The following OTUD4 variants were observed in gnomAD, a reference collection of about 807,000 sequenced individuals.
OTUD4 encodes OTU deubiquitinase 4.
OTUD4 carries 24 observed loss-of-function variants against 130.4 expected under a neutral mutation model. The ratio of observed to expected loss-of-function variants is 0.18; its 90% CI spans 0.13 to 0.26. OTUD4 has a LOEUF of 0.26. Among genes scored for constraint, OTUD4 ranks in the 10% least tolerant of loss-of-function variants. OTUD4 has a pLI of 1.00. For missense variants in OTUD4, 1,031 were observed against 1,329.4 expected, an observed-to-expected ratio of 0.78 and a Z score of 3.49; for synonymous variants, 420 against 472.5, an observed-to-expected ratio of 0.89 and a Z score of 1.44.
chr4:145,150,957 T>G, intron 11 of OTUD4, 52 bp from the exon 12 acceptor site: 1 of 1,058,966 alleles, frequency 9.4e-7, no homozygotes, highest in East Asian at 2.4e-5. Flanking sequence ...GTAAGAATAG[T>G]TAAATATTCT....
At chr4:145,175,022 T>C (rs1045105218) in intron 1 of OTUD4, among the ~76,000 whole-genome samples, 1 of 152,218 alleles carries the variant, frequency 6.6e-6, no homozygotes, top group Non-Finnish European at 1.5e-5. Flanking sequence ...TTTAGGACAC[T>C]CTCTTCCCTT....
In OTUD4 at chr4:145,159,592, A is replaced by T. The variant is rs752347412; in HGVS notation, c.540T>A (p.Asp180Glu). The T allele has an allele frequency of 3.1e-6, 5 of 1,613,324 alleles. No homozygotes were observed. The South Asian group carries it at 5.5e-5, about 18-fold the overall frequency. ...ELLYEKVFKTDVSKIVMELDT... is the reference protein window; with the variant it reads ...ELLYEKVFKTEVSKIVMELDT... ...CTAGTTCCATCACAATTTTACTAAC[A>T]TCAGTTTTAAATACCTTCTCATACA... Residue 180 changes from aspartate (D) to glutamate (E), a missense_variant, in exon 7 of 21, where the codon GAT (aspartate) becomes GAA (glutamate). Physicochemically the swap from Asp to Glu is conservative, Grantham distance 45 (BLOSUM62 2). Transcript: ENST00000447906.
At position 145,174,647 on chromosome 4, in the gene OTUD4, A is replaced by G; in HGVS notation, c.243+14T>C. The G allele has an allele frequency of 6.8e-7, 1 of 1,478,926 alleles. No individual in the cohort carries two copies. Among genetic ancestry groups the G allele is most frequent in the Non-Finnish European group, 9.5e-7 (1 of 1,056,552 alleles). 91.6% of individuals were successfully genotyped at this position (1,478,926 alleles called of 1,614,324 possible). A position where few individuals can be genotyped will look rare whatever the true frequency, so the allele number is the denominator to read the frequency against. ...AAGTCAAGACACCATTACATGTTTGAAATTACAAGTTACCGCTTCAAATTT... is the reference window on the plus strand; with the variant it reads ...AAGTCAAGACACCATTACATGTTTGGAATTACAAGTTACCGCTTCAAATTT... On this transcript the variant is annotated intron_variant, in intron 2 of 20. Transcript: ENST00000447906.
At chr4:145,160,147 G>A (rs1751487503) in intron 6 of OTUD4, among the ~76,000 whole-genome samples, 2 of 152,208 alleles carry the variant, frequency 1.3e-5, no homozygotes, top group Non-Finnish European at 2.9e-5. Context: ...GAGGAATATA[G>A]TATAGTACAT....
chr4:145,165,480 G>A (rs1186702541), intron 3 of OTUD4, among the ~76,000 whole-genome samples: 4 of 151,878 alleles, frequency 2.6e-5, no homozygotes, highest in Non-Finnish European at 5.9e-5. Flanking sequence ...GTTAAGTTGA[G>A]ACTTTTTTTT....
Position 145,176,309 on chromosome 4 carries a change from A to C in OTUD4, c.160-1565T>G, listed in dbSNP as rs75153337. Among the ~76,000 whole-genome samples, 457 of 151,988 alleles carry C rather than the reference A, an allele frequency of 3.0e-3. 3 individuals carry two copies. Among genetic ancestry groups the C allele is most frequent in the South Asian group, 0.015 (71 of 4,816 alleles). On this transcript the variant is annotated intron_variant, in intron 1 of 20. Coordinates refer to ENST00000447906, the MANE Select transcript of OTUD4 (RefSeq NM_001366057.1). Reference sequence around the variant, plus strand: ...AAGGGTTATGGTTTAAAAAAAAAAAACTCAGACACACTTAAAGTAACACAT... The same window carrying C: ...AAGGGTTATGGTTTAAAAAAAAAAACCTCAGACACACTTAAAGTAACACAT...
In OTUD4 at chr4:145,134,566, A is replaced by T; in HGVS notation, c.*2864T>A. ...AGGAAACAACACGCTGCAAGAATACAGTCTGCATTAAATAAGATATATCAG... is the reference window on the plus strand; with the variant it reads ...AGGAAACAACACGCTGCAAGAATACTGTCTGCATTAAATAAGATATATCAG... On this transcript the variant is annotated 3_prime_UTR_variant, in exon 21 of 21. Coordinates refer to ENST00000447906, the MANE Select transcript of OTUD4 (RefSeq NM_001366057.1). The T allele has an allele frequency of 2.5e-6, 1 of 397,266 alleles. No individual in the cohort carries two copies. 24.6% of individuals were successfully genotyped at this position (397,266 alleles called of 1,614,324 possible). A position where few individuals can be genotyped will look rare whatever the true frequency, so the allele number is the denominator to read the frequency against.
chr4:145,163,022 A>C (rs1751658704), intron 5 of OTUD4, among the ~76,000 whole-genome samples: 3 of 152,220 alleles, frequency 2.0e-5, no homozygotes, highest in Non-Finnish European at 4.4e-5. Flanking sequence ...CACTGTAAGA[A>C]AATATTTCAA....
intron 4 of OTUD4, among the ~76,000 whole-genome samples, chr4:145,164,807 C>T (rs1444635513): frequency 6.6e-6 from 1 of 151,842 alleles, no homozygotes; most frequent in Non-Finnish European, 1.5e-5. Context: ...TAAGGAATAC[C>T]CAATTTGTAA....
rs1252465759 is a variant in OTUD4 at position 145,180,511 on chromosome 4, G to A, written c.-538C>T. Reference sequence around the variant, plus strand: ...AGGGCGCCGGAGGGGCAGGGAGCGGGTGGGGGCGCCCGGGAGAGAACAGCA... The same window carrying A: ...AGGGCGCCGGAGGGGCAGGGAGCGGATGGGGGCGCCCGGGAGAGAACAGCA... On this transcript the variant is annotated 5_prime_UTR_variant, in exon 1 of 21. Coordinates refer to ENST00000447906, the MANE Select transcript of OTUD4 (RefSeq NM_001366057.1). Among the ~76,000 whole-genome samples the A allele has an allele frequency of 6.6e-6, 1 of 152,256 alleles. No individual in the cohort carries two copies. Among genetic ancestry groups the A allele is most frequent in the Non-Finnish European group, 1.5e-5 (1 of 68,046 alleles).
At chr4:145,157,235 A>C (rs1215887644) in intron 7 of OTUD4, among the ~76,000 whole-genome samples, 1 of 152,218 alleles carries the variant, frequency 6.6e-6, no homozygotes, top group Non-Finnish European at 1.5e-5. Context: ...GAGTGTTGAG[A>C]TGTAGGCTGA....
chr4:145,173,362 C>G (rs1752268905), intron 2 of OTUD4, among the ~76,000 whole-genome samples: 1 of 152,022 alleles, frequency 6.6e-6, no homozygotes, highest in African/African-American at 2.4e-5. Flanking sequence ...CCACTGCACT[C>G]CAGCCTGGGC....
intron 3 of OTUD4, among the ~76,000 whole-genome samples, chr4:145,169,143 G>C (rs1312647444): frequency 6.6e-6 from 1 of 151,866 alleles, no homozygotes; most frequent in Non-Finnish European, 1.5e-5. Context: ...GGCGGAAGAG[G>C]ATTAACTGCA....
intron 10 of OTUD4, among the ~76,000 whole-genome samples, chr4:145,153,597 C>T (rs1257113456): frequency 6.6e-6 from 1 of 152,126 alleles, no homozygotes; most frequent in African/African-American, 2.4e-5. Flanking sequence ...AAAATAGATC[C>T]ATTAACTGTT....
intron 2 of OTUD4, among the ~76,000 whole-genome samples, chr4:145,174,355 T>A (rs1352840457): frequency 6.6e-6 from 1 of 152,150 alleles, no homozygotes; most frequent in Non-Finnish European, 1.5e-5. Context: ...CCTGACCATG[T>A]CAGACAAAGC....
chr4:145,144,503 A>G lies in OTUD4; in HGVS notation c.1423-69T>C. The G allele has an allele frequency of 2.1e-6, 3 of 1,423,968 alleles. No individual in the cohort carries two copies. The South Asian group carries it at 3.7e-5, about 17-fold the overall frequency. The allele number at this position is 1,423,968 out of a possible 1,614,324, so 88.2% of individuals were successfully genotyped here. A position where few individuals can be genotyped will look rare whatever the true frequency, so the allele number is the denominator to read the frequency against. On this transcript the variant is annotated intron_variant, in intron 14 of 20. Coordinates refer to ENST00000447906, the MANE Select transcript of OTUD4 (RefSeq NM_001366057.1). The stretch of plus-strand genomic sequence containing the variant: ...CCACAGATACATGAACAAATTCTGT[A>G]ATTAATCTCACTCTTCATACTTCTA...
chr4:145,134,590 A>T lies in OTUD4; in HGVS notation c.*2840T>A, dbSNP rs1750148114. ...CAGTCTGCATTAAATAAGATATATC[A>T]GCATTGTGGTCTGGGAAAACCTATG... On this transcript the variant is annotated 3_prime_UTR_variant, in exon 21 of 21. Transcript: ENST00000447906. 2.5e-6 allele frequency: 1 copy of T among 397,550 alleles called. No homozygotes were observed. The highest frequency in any genetic ancestry group is 4.4e-5 in the Admixed American group (1 of 22,712). The allele number at this position is 397,550 out of a possible 1,614,324, so 24.6% of individuals were successfully genotyped here.
intron 6 of OTUD4, among the ~76,000 whole-genome samples, 154 bp from the exon 7 acceptor site, chr4:145,159,789 C>G (rs979725888): frequency 6.6e-6 from 1 of 152,146 alleles, no homozygotes; most frequent in South Asian, 2.1e-4. Flanking sequence ...ATAATTTTAT[C>G]AGAAAGTTAC....
rs772791237 is a variant in OTUD4, at chr4:145,137,732, T to C, written c.3043A>G (p.Arg1015Gly). The C allele has an allele frequency of 7.4e-6, 12 of 1,614,042 alleles. No homozygotes were observed. The highest frequency in any genetic ancestry group is 2.5e-6 in the Non-Finnish European group (3 of 1,180,028). ...VSPGANSVDS[R>G]VQRPKEESSE... ...CTCTCTTCTTTTGGTCTTTGCACTCTGCTATCAACAGAGTTGGCCCCAGGG... is the reference window on the plus strand; with the variant it reads ...CTCTCTTCTTTTGGTCTTTGCACTCCGCTATCAACAGAGTTGGCCCCAGGG... The change falls in exon 21 of 21, where the codon AGA becomes GGA. Residue 1015 changes from arginine (R) to glycine (G), a missense_variant. Transcript: ENST00000447906.
Sources: gnomAD v4.1 joint callset for allele counts (sites outside exome capture counted in the v4.1 genomes callset) on GRCh38, gnomAD v4.1.1 for gene constraint, MANE v1.5 for transcripts, NCBI Gene and HGNC (gene_info 2026-07-23, HGNC 2026-07-21) for gene names.